GRIA2: variants seen among roughly 807,000 people sequenced by gnomAD.
GRIA2 encodes glutamate receptor 2.
A neutral mutation model predicts 97.3 loss-of-function variants in GRIA2; 14 were observed. That is an observed-to-expected ratio of 0.14 (90% CI 0.10 to 0.23). GRIA2 has a LOEUF of 0.23. Ranked by LOEUF, GRIA2 falls within the 10% of genes least tolerant of loss-of-function variation. GRIA2 has a pLI of 1.00. For synonymous variants in GRIA2, 412 were observed against 387.8 expected, an observed-to-expected ratio of 1.06 and a Z score of -0.73; for missense variants, 558 against 1,069.8, an observed-to-expected ratio of 0.52 and a Z score of 6.67.
chr4:157,359,245 A>C (rs1451763740), intron 12 of GRIA2, among the ~76,000 whole-genome samples: 1 of 152,152 alleles, frequency 6.6e-6, no homozygotes, highest in East Asian at 1.9e-4. Flanking sequence ...ACTGATAAGA[A>C]TGTTGGTTTT....
At chr4:157,256,898 G>T (rs1263475056) in intron 2 of GRIA2, among the ~76,000 whole-genome samples, 1 of 151,962 alleles carries the variant, frequency 6.6e-6, no homozygotes, top group Non-Finnish European at 1.5e-5. Context: ...ATTCTGCTTT[G>T]TTAATTGCTT....
At chr4:157,294,834 A>G (rs922759250) in intron 2 of GRIA2, among the ~76,000 whole-genome samples, 4 of 152,118 alleles carry the variant, frequency 2.6e-5, no homozygotes, top group Non-Finnish European at 5.9e-5. Context: ...CTCTTTATCC[A>G]CAATATTCAA....
At chr4:157,261,539 A>T (rs1731534701) in intron 2 of GRIA2, among the ~76,000 whole-genome samples, 1 of 152,158 alleles carries the variant, frequency 6.6e-6, no homozygotes, top group Non-Finnish European at 1.5e-5. Context: ...AAGTAACTTG[A>T]CTAAACTTAT....
intron 2 of GRIA2, among the ~76,000 whole-genome samples, chr4:157,236,034 G>T (rs1443693556): frequency 6.6e-6 from 1 of 151,888 alleles, no homozygotes; most frequent in Non-Finnish European, 1.5e-5. Context: ...TATTATAGGG[G>T]TTTGAGAATT....
At chr4:157,363,133 G>A in intron 15 of GRIA2, 86 bp downstream of exon 15, 1 of 1,329,814 alleles carries the variant, frequency 7.5e-7, no homozygotes, top group Non-Finnish European at 1.0e-6. Flanking sequence ...AAGGAAGGTG[G>A]CCAATGGATC....
At position 157,361,266 on chromosome 4, in the gene GRIA2, C is replaced by CT. The variant is rs2127001279; in HGVS notation, c.2406+144dup. Reference sequence around the variant, plus strand: ...ATTGGATGACCAGGACACTTGACTTCTTCTTTCTTTCTTCCTCTACTTCTC... The same window carrying CT: ...ATTGGATGACCAGGACACTTGACTTCTTTCTTTCTTTCTTCCTCTACTTCTC... On this transcript the variant is annotated intron_variant, in intron 14 of 15. Coordinates refer to ENST00000264426, the MANE Select transcript of GRIA2 (RefSeq NM_001083619.3). The surrounding 1 kb of genome is among the most constrained non-coding windows in gnomAD (Gnocchi z 5.2). The CT allele has an allele frequency of 2.9e-6, 2 of 678,380 alleles. No homozygotes were observed. The highest frequency in any genetic ancestry group is 5.1e-6 in the Non-Finnish European group (2 of 394,328). 42.0% of individuals were successfully genotyped at this position (678,380 alleles called of 1,614,324 possible).
chr4:157,333,397 A>G, intron 8 of GRIA2, 44 bp downstream of exon 8: 1 of 973,624 alleles, frequency 1.0e-6, no homozygotes, highest in East Asian at 2.5e-5. Flanking sequence ...TGAGGAGGTG[A>G]GTTAGCTAGC....
intron 2 of GRIA2, among the ~76,000 whole-genome samples, chr4:157,269,900 T>A (rs1406788487): frequency 6.6e-6 from 1 of 152,102 alleles, no homozygotes; most frequent in Non-Finnish European, 1.5e-5. Flanking sequence ...GAGCTTTCTT[T>A]TATGCTCATA....
intron 2 of GRIA2, among the ~76,000 whole-genome samples, chr4:157,240,654 C>T (rs1730463855): frequency 6.6e-6 from 1 of 150,650 alleles, no homozygotes; most frequent in African/African-American, 2.4e-5. Context: ...ATTTTAATTT[C>T]TTTTTTCTTA....
At chr4:157,341,011 A>C (rs1485158288) in intron 11 of GRIA2, among the ~76,000 whole-genome samples, 4 of 152,018 alleles carry the variant, frequency 2.6e-5, no homozygotes, top group Admixed American at 2.6e-4. Context: ...GTCATAAACT[A>C]TTTGGGCATT....
At chr4:157,322,985 C>T (rs1734643725) in intron 6 of GRIA2, among the ~76,000 whole-genome samples, 1 of 152,060 alleles carries the variant, frequency 6.6e-6, no homozygotes, top group Non-Finnish European at 1.5e-5. Context: ...AAGAAGAACA[C>T]CAAGTAACTT....
At chr4:157,323,744 C>T (rs190742819) in intron 6 of GRIA2, among the ~76,000 whole-genome samples, 63 of 152,244 alleles carry the variant, frequency 4.1e-4, no homozygotes, top group African/African-American at 1.5e-3. Flanking sequence ...GAGGTATTTG[C>T]AGTGTGAGAG....
At chr4:157,312,602 T>G in intron 3 of GRIA2, 77 bp from the exon 4 acceptor site, 2 of 782,624 alleles carry the variant, frequency 2.6e-6, no homozygotes, top group East Asian at 5.8e-5. Flanking sequence ...TAAAAATATA[T>G]TCACTGGCAA....
chr4:157,356,072 T>C (rs1372351613), intron 12 of GRIA2, among the ~76,000 whole-genome samples: 11 of 105,826 alleles, frequency 1.0e-4, no homozygotes, highest in African/African-American at 3.3e-4. Flanking sequence ...TATATATTTA[T>C]ATTTATTTAT....
chr4:157,355,971 A>ATATATTTATATATAAATT (rs1560781337), intron 12 of GRIA2, among the ~76,000 whole-genome samples: 1 of 9,596 alleles, frequency 1.0e-4, no homozygotes, highest in Non-Finnish European at 2.7e-4. Flanking sequence ...ATGTATATTA[A>ATATATTTATATATAAATT]TATATATATT....
At chr4:157,313,803 A>G (rs1189187816) in intron 4 of GRIA2, among the ~76,000 whole-genome samples, 1 of 152,072 alleles carries the variant, frequency 6.6e-6, no homozygotes, top group East Asian at 1.9e-4. Flanking sequence ...ATGTATTTAT[A>G]CAGTTGACCC....
intron 12 of GRIA2, among the ~76,000 whole-genome samples, chr4:157,357,966 A>G (rs1736466039): frequency 6.6e-6 from 1 of 152,112 alleles, no homozygotes; most frequent in African/African-American, 2.4e-5. Context: ...ATGCCTCAAA[A>G]TTGATATTTT....
chr4:157,356,163 A>ATATTTATATATATTTATATATTTATATT (rs1283894411), intron 12 of GRIA2, among the ~76,000 whole-genome samples: 2 of 130,590 alleles, frequency 1.5e-5, no homozygotes, highest in Non-Finnish European at 3.1e-5. Flanking sequence ...TTATTTATAT[A>ATATTTATATATATTTATATATTTATATT]TATTTATATA....
At chr4:157,248,712 T>C (rs1338102993) in intron 2 of GRIA2, among the ~76,000 whole-genome samples, 6 of 141,492 alleles carry the variant, frequency 4.2e-5, no homozygotes, top group Non-Finnish European at 6.1e-5. Flanking sequence ...AGTATATATA[T>C]ACACATATGT....
Sources: gnomAD v4.1 joint callset for allele counts (sites outside exome capture counted in the v4.1 genomes callset) on GRCh38, gnomAD v4.1.1 for gene constraint, Gnocchi (gnomAD v3.1) non-coding constraint, MANE v1.5 for transcripts, NCBI Gene and HGNC (gene_info 2026-07-23, HGNC 2026-07-21) for gene names.